Variants in FAP observed in about 807,000 individuals in gnomAD.
FAP encodes prolyl endopeptidase FAP.
Under a neutral mutation model 126.5 loss-of-function variants are expected in FAP, and 110 were observed. That is an observed-to-expected ratio of 0.87 (90% CI 0.74 to 1.02). FAP has a LOEUF of 1.02. FAP is among the 50% of genes least tolerant of loss of function. The probability of loss-of-function intolerance (pLI) is 0.00; values close to 1 mark genes in which losing one functional copy is unlikely to be tolerated. For synonymous variants in FAP, 334 were observed against 297.3 expected (o/e 1.12, Z -1.27); for missense variants, 919 against 909.2 (o/e 1.01, Z -0.14).
chr2:162,201,891 T>C (rs1688512301), intron 14 of FAP, among the ~76,000 whole-genome samples: 3 of 152,190 alleles, frequency 2.0e-5, no homozygotes, highest in African/African-American at 7.2e-5. Flanking sequence ...CCTCAACACA[T>C]CATGCCTGAA....
chr2:162,182,306 C>A (rs1576138368), intron 21 of FAP, among the ~76,000 whole-genome samples: 1 of 152,074 alleles, frequency 6.6e-6, no homozygotes. Context: ...TGTACATGTT[C>A]AACTTAAAAT....
chr2:162,175,050 C>T (rs1687437273), intron 21 of FAP, 84 bp from the exon 22 acceptor site: 2 of 951,822 alleles, frequency 2.1e-6, no homozygotes, highest in African/African-American at 3.3e-5. Context: ...TACTCACAAT[C>T]CGGACTGAAG....
intron 21 of FAP, among the ~76,000 whole-genome samples, chr2:162,179,143 C>T (rs937131567): frequency 6.6e-6 from 1 of 151,880 alleles, no homozygotes; most frequent in Non-Finnish European, 1.5e-5. Context: ...AAATTGATGT[C>T]CATAGAAAAC....
chr2:162,201,137 T>A (rs1240625037), intron 14 of FAP, among the ~76,000 whole-genome samples: 2 of 152,194 alleles, frequency 1.3e-5, no homozygotes, highest in African/African-American at 4.8e-5. Context: ...GTATCCAGGT[T>A]CTGATTCCAA....
At chr2:162,199,785 T>C (rs944080224) in intron 15 of FAP, among the ~76,000 whole-genome samples, 6 of 152,178 alleles carry the variant, frequency 3.9e-5, no homozygotes, top group African/African-American at 1.2e-4. Context: ...TAAAGTAAGA[T>C]CACGATCCAG....
At chr2:162,205,751 G>A (rs1688675660) in intron 12 of FAP, among the ~76,000 whole-genome samples, 1 of 152,146 alleles carries the variant, frequency 6.6e-6, no homozygotes, top group East Asian at 1.9e-4. Context: ...GACCTCAGGT[G>A]ATCCACCCGC....
At chr2:162,211,272 C>A (rs959707453) in intron 11 of FAP, among the ~76,000 whole-genome samples, 2 of 152,106 alleles carry the variant, frequency 1.3e-5, no homozygotes, top group Non-Finnish European at 2.9e-5. Context: ...CCTAGGTTCC[C>A]GAATGACTAT....
At chr2:162,209,856 A>G (rs1269533401) in intron 12 of FAP, 96 bp downstream of exon 12, 1 of 1,042,262 alleles carries the variant, frequency 9.6e-7, no homozygotes, top group Non-Finnish European at 1.5e-6. Context: ...TATGAAAATA[A>G]GTAGTGCCAG....
chr2:162,215,140 A>G (rs1378687673), intron 10 of FAP, among the ~76,000 whole-genome samples: 1 of 152,240 alleles, frequency 6.6e-6, no homozygotes, highest in African/African-American at 2.4e-5. Flanking sequence ...GAGTGGACTC[A>G]GCAAGGCCCA....
chr2:162,179,812 A>ATTTTTTT (rs1206502227), intron 21 of FAP, among the ~76,000 whole-genome samples: 60 of 90,542 alleles, frequency 6.6e-4, no homozygotes, highest in African/African-American at 2.1e-3. Flanking sequence ...ATATATATAT[A>ATTTTTTT]TTTTTTTTTT....
At chr2:162,237,990 T>C (rs2106305126) in intron 2 of FAP, among the ~76,000 whole-genome samples, 1 of 152,348 alleles carries the variant, frequency 6.6e-6, no homozygotes, top group East Asian at 1.9e-4. Context: ...GTTGCATAAA[T>C]GCCTTTTTTT....
chr2:162,215,004 C>A (rs2106268506), intron 10 of FAP, among the ~76,000 whole-genome samples: 1 of 152,038 alleles, frequency 6.6e-6, no homozygotes, highest in Admixed American at 6.6e-5. Flanking sequence ...ATGCTCATTT[C>A]ATCTGCCACC....
chr2:162,219,323 G>T, intron 7 of FAP, 140 bp from the exon 8 acceptor site: 2 of 745,542 alleles, frequency 2.7e-6, no homozygotes, highest in Non-Finnish European at 4.1e-6. Context: ...CATTTTAATA[G>T]GTCAAAAAAT....
intron 7 of FAP, among the ~76,000 whole-genome samples, chr2:162,219,511 TC>T (rs1337979847): frequency 6.6e-6 from 1 of 152,106 alleles, no homozygotes; most frequent in Non-Finnish European, 1.5e-5. Flanking sequence ...TTATTTAGAG[TC>T]CTTAAATAAG....
At chr2:162,201,564 A>C (rs1688498086) in intron 14 of FAP, among the ~76,000 whole-genome samples, 1 of 152,058 alleles carries the variant, frequency 6.6e-6, no homozygotes, top group Admixed American at 6.5e-5. Flanking sequence ...TGTTATGTGG[A>C]AGCTTCCCTG....
At chr2:162,210,556 G>A (rs1688889383) in intron 11 of FAP, among the ~76,000 whole-genome samples, 1 of 152,118 alleles carries the variant, frequency 6.6e-6, no homozygotes, top group African/African-American at 2.4e-5. Context: ...GGTTCAGTAT[G>A]GCTGAGTGGA....
At chr2:162,200,542 C>CA in intron 15 of FAP, 24 bp downstream of exon 15, 1 of 1,335,054 alleles carries the variant, frequency 7.5e-7, no homozygotes, top group Non-Finnish European at 1.1e-6. Context: ...CATAGAAATA[C>CA]CAGAATGAAT....
chr2:162,233,182 T>G (rs1024066175), intron 2 of FAP, among the ~76,000 whole-genome samples: 2 of 152,188 alleles, frequency 1.3e-5, no homozygotes, highest in African/African-American at 4.8e-5. Flanking sequence ...TCAATATGTT[T>G]AATGCTAAGA....
At chr2:162,213,170 G>T (rs1304200228) in intron 11 of FAP, among the ~76,000 whole-genome samples, 1 of 152,034 alleles carries the variant, frequency 6.6e-6, no homozygotes, top group Admixed American at 6.6e-5. Context: ...GAGGTCAAGA[G>T]ATTGAGACCA....
Sources: gnomAD v4.1 joint callset for allele counts (sites outside exome capture counted in the v4.1 genomes callset) on GRCh38, gnomAD v4.1.1 for gene constraint, MANE v1.5 for transcripts, NCBI Gene and HGNC (gene_info 2026-07-23, HGNC 2026-07-21) for gene names.